Variants in CNTN5 observed in about 807,000 individuals in gnomAD.
The protein encoded by CNTN5 is contactin-5.
A neutral mutation model predicts 129.1 loss-of-function variants in CNTN5; 77 were observed. The ratio of observed to expected loss-of-function variants is 0.60; its 90% confidence interval spans 0.50 to 0.72. The LOEUF is 0.72. CNTN5 is among the 30% of genes least tolerant of loss of function. The probability of loss-of-function intolerance (pLI) is 0.00; values close to 1 mark genes in which losing one functional copy is unlikely to be tolerated. For synonymous variants in CNTN5, 509 were observed against 465.6 expected, an observed-to-expected ratio of 1.09 and a Z score of -1.20; for missense variants, 1,478 against 1,328.8, an observed-to-expected ratio of 1.11 and a Z score of -1.75.
At chr11:99,576,188 T>C (rs947667184) in intron 3 of CNTN5, among the ~76,000 whole-genome samples, 1 of 152,048 alleles carries the variant, frequency 6.6e-6, no homozygotes, top group African/African-American at 2.4e-5. Context: ...AGTGGAGGAA[T>C]GAGAGATTGA....
chr11:100,150,947 G>A (rs952147775), intron 13 of CNTN5, among the ~76,000 whole-genome samples: 1 of 152,060 alleles, frequency 6.6e-6, no homozygotes, highest in East Asian at 1.9e-4. Flanking sequence ...CTTATAAGAA[G>A]AGGAAGAGAG....
chr11:99,878,794 G>T (rs1948698799), intron 6 of CNTN5, among the ~76,000 whole-genome samples: 1 of 152,136 alleles, frequency 6.6e-6, no homozygotes, highest in Non-Finnish European at 1.5e-5. Context: ...GGCAGAGGTT[G>T]CAGTGAGCCG....
chr11:100,256,533 C>G (rs1394891403), intron 17 of CNTN5, among the ~76,000 whole-genome samples: 1 of 152,026 alleles, frequency 6.6e-6, no homozygotes, highest in Non-Finnish European at 1.5e-5. Flanking sequence ...AGGAATAGCT[C>G]TGGTCTGCAG....
In CNTN5 at chr11:99,272,524, G is replaced by A. The variant is rs955286145; in HGVS notation, c.-209-52822G>A. On this transcript the variant is annotated intron_variant, in intron 1 of 24. Coordinates refer to ENST00000524871, the MANE Select transcript of CNTN5 (RefSeq NM_014361.4). The stretch of plus-strand genomic sequence containing the variant: ...CCCCTGAGTGACTGAGACTACAAGT[G>A]CACACCACCATGCCCAGCAAAAATA... Among the ~76,000 whole-genome samples, 3 of 151,524 alleles carry A rather than the reference G, an allele frequency of 2.0e-5. No homozygotes were observed. The Admixed American group carries it at 2.0e-4, about 10-fold the overall frequency.
In CNTN5 at chr11:100,001,254, C is replaced by T. The variant is rs189749447; in HGVS notation, c.878-780C>T. Among the ~76,000 whole-genome samples the T allele has an allele frequency of 6.6e-4, 100 of 152,190 alleles. 1 individual carries two copies. In the East Asian group the frequency reaches 0.014, roughly 21 times the overall value. ...ATGTCTTACGTGGTGGCAGAAGAGA[C>T]GAGAGAGAACAGGGAAACTGCCACT... is the stretch of plus-strand genomic sequence containing the variant. On this transcript the variant is annotated intron_variant, in intron 8 of 24. Coordinates refer to ENST00000524871, the MANE Select transcript of CNTN5 (RefSeq NM_014361.4).
At chr11:99,460,561 T>C (rs1944658548) in intron 2 of CNTN5, among the ~76,000 whole-genome samples, 1 of 151,996 alleles carries the variant, frequency 6.6e-6, no homozygotes, top group African/African-American at 2.4e-5. Context: ...TAGATACATC[T>C]TGTGAAGCTT....
At chr11:99,258,300 T>C (rs1024697771) in intron 1 of CNTN5, among the ~76,000 whole-genome samples, 5 of 152,006 alleles carry the variant, frequency 3.3e-5, no homozygotes, top group African/African-American at 1.2e-4. Context: ...CTCACCCTCC[T>C]CCCACCTTCA....
rs1858103771 is a variant in CNTN5, at chr11:99,182,036, T to C, written c.-209-143310T>C. Among the ~76,000 whole-genome samples the C allele has an allele frequency of 2.6e-5, 4 of 152,194 alleles. No individual in the cohort carries two copies. The South Asian group carries it at 8.3e-4, about 32-fold the overall frequency. On this transcript the variant is annotated intron_variant, in intron 1 of 24. Transcript: ENST00000524871. ...CTCTCATTGCAAGACTTAAACTTAT[T>C]GTAATCCACTCATCCACATTCAAGT...
intron 3 of CNTN5, among the ~76,000 whole-genome samples, chr11:99,693,602 A>G (rs1409501520): frequency 1.3e-5 from 2 of 152,008 alleles, no homozygotes; most frequent in Admixed American, 6.6e-5. Context: ...TAGAGCTGGG[A>G]CAATAGAGGA....
Position 100,322,299 on chromosome 11 carries a change from T to A in CNTN5, c.2730+13831T>A, listed in dbSNP as rs181472267. 5.0e-4 allele frequency among the ~76,000 whole-genome samples: 76 copies of A among 152,038 alleles called. 2 individuals carry two copies. Among genetic ancestry groups the A allele is most frequent in the Admixed American group, 4.7e-3 (72 of 15,276 alleles). On this transcript the variant is annotated intron_variant, in intron 21 of 24. Transcript: ENST00000524871. ...GTGCAGTGGCGCGATCTCAGCTCAC[T>A]GCAAGCTCCGCCTCCTGGGTTCACG...
intron 13 of CNTN5, among the ~76,000 whole-genome samples, chr11:100,127,554 T>G (rs1319883105): frequency 6.6e-6 from 1 of 152,064 alleles, no homozygotes. Flanking sequence ...ATAATTATTT[T>G]TCTATGTTTT....
At chr11:99,534,190 G>A (rs1342607187) in intron 2 of CNTN5, among the ~76,000 whole-genome samples, 1 of 152,130 alleles carries the variant, frequency 6.6e-6, no homozygotes, top group East Asian at 1.9e-4. Context: ...TTGCGACTTG[G>A]TCAATAATAT....
At chr11:99,996,246 C>T (rs982048476) in intron 8 of CNTN5, among the ~76,000 whole-genome samples, 3 of 151,998 alleles carry the variant, frequency 2.0e-5, no homozygotes, top group African/African-American at 7.2e-5. Flanking sequence ...ATTATTACAG[C>T]TCAGGTCTTT....
chr11:99,400,584 G>A (rs1306604388), intron 2 of CNTN5, among the ~76,000 whole-genome samples: 1 of 152,048 alleles, frequency 6.6e-6, no homozygotes, highest in Non-Finnish European at 1.5e-5. Context: ...CTGTTATGGG[G>A]GATATAGTCC....
At chr11:99,664,142 G>T (rs1952699014) in intron 3 of CNTN5, among the ~76,000 whole-genome samples, 1 of 152,142 alleles carries the variant, frequency 6.6e-6, no homozygotes, top group South Asian at 2.1e-4. Context: ...CTCTATCACT[G>T]TGTTCATTAT....
chr11:99,223,989 C>G (rs1054023388), intron 1 of CNTN5, among the ~76,000 whole-genome samples: 1 of 152,164 alleles, frequency 6.6e-6, no homozygotes, highest in African/African-American at 2.4e-5. Flanking sequence ...TCTCCGCATA[C>G]ACTCTTAATT....
At chr11:100,178,417 C>T (rs1313786609) in intron 13 of CNTN5, among the ~76,000 whole-genome samples, 1 of 152,138 alleles carries the variant, frequency 6.6e-6, no homozygotes, top group African/African-American at 2.4e-5. Context: ...TGTAACTGGA[C>T]TCCTCCAGCT....
intron 2 of CNTN5, among the ~76,000 whole-genome samples, chr11:99,438,312 T>A (rs960389108): frequency 3.3e-5 from 5 of 152,142 alleles, no homozygotes; most frequent in Admixed American, 6.5e-5. Flanking sequence ...GAGTCTACTA[T>A]AAGGAACTAT....
intron 15 of CNTN5, among the ~76,000 whole-genome samples, chr11:100,198,904 C>G (rs1469175572): frequency 1.3e-5 from 2 of 151,844 alleles, no homozygotes; most frequent in Non-Finnish European, 2.9e-5. Flanking sequence ...AAAACTCTAG[C>G]CTATATTAAT....
Sources: gnomAD v4.1 joint callset for allele counts (sites outside exome capture counted in the v4.1 genomes callset) on GRCh38, gnomAD v4.1.1 for gene constraint, MANE v1.5 for transcripts, NCBI Gene and HGNC (gene_info 2026-07-23, HGNC 2026-07-21) for gene names.